The following STEAP4 variants were observed in gnomAD, a reference collection of about 807,000 sequenced individuals.
STEAP4 encodes metalloreductase STEAP4.
STEAP4 carries 36 observed loss-of-function variants against 43.6 expected under a neutral mutation model. The observed-to-expected ratio is 0.83, with a 90% confidence interval of 0.63 to 1.09. The LOEUF (loss-of-function observed/expected upper bound fraction) is 1.09. Ranked by LOEUF, STEAP4 falls within the 50% of genes least tolerant of loss-of-function variation. The pLI is 0.00. For synonymous variants in STEAP4, 191 were observed against 196.7 expected, an observed-to-expected ratio of 0.97 and a Z score of 0.24; for missense variants, 495 against 546.5, an observed-to-expected ratio of 0.91 and a Z score of 0.94.
At chr7:88,285,282 C>A (rs1563498529) in intron 1 of STEAP4, among the ~76,000 whole-genome samples, 1 of 152,036 alleles carries the variant, frequency 6.6e-6, no homozygotes, top group Admixed American at 6.6e-5. Context: ...AACAAGATAG[C>A]AAGATATGTG....
At chr7:88,298,466 A>AACACACACACACACACACACACACACAC (rs35424721) in intron 1 of STEAP4, 1 of 141,318 alleles carries the variant, frequency 7.1e-6, no homozygotes, top group African/African-American at 2.7e-5. Context: ...GGTTCTTGTA[A>AACACACACACACACACACACACACACAC]ACACACACAC....
At position 88,280,961 on chromosome 7, in the gene STEAP4, G is replaced by C; in HGVS notation, c.1103C>G (p.Pro368Arg). 4 of 1,611,804 alleles carry C rather than the reference G, an allele frequency of 2.5e-6. No homozygotes were observed. The highest frequency in any genetic ancestry group is 3.4e-6 in the Non-Finnish European group (4 of 1,179,114). ...CCAGTTGACTGCATTGCTAACAGAT[G>C]GCAAAGAAGTGATTCCCAAGAGTAC... is the stretch of plus-strand genomic sequence containing the variant. ...LFVLLGITSL[P>R]SVSNAVNWRE... Residue 368 changes from proline (P) to arginine (R), a missense_variant, in exon 4 of 5, where the codon CCA becomes CGA. Transcript: ENST00000380079.
chr7:88,296,235 T>C (rs1408333146), intron 1 of STEAP4, among the ~76,000 whole-genome samples: 1 of 152,190 alleles, frequency 6.6e-6, no homozygotes, highest in Non-Finnish European at 1.5e-5. Flanking sequence ...AAGCCATTAA[T>C]AAAATCATTC....
rs1007467879 is a variant in STEAP4 at position 88,279,389 on chromosome 7, A to T, written c.*9T>A. 1 of 1,610,800 alleles carries T rather than the reference A, an allele frequency of 6.2e-7. No individual in the cohort carries two copies. The highest frequency in any genetic ancestry group is 2.2e-5 in the East Asian group (1 of 44,866). ...GTTTTAAATATTGATTTTCCATTCAATGCTTTTTCTAGTGTTTTGAGTTCC... is the reference window on the plus strand; with the variant it reads ...GTTTTAAATATTGATTTTCCATTCATTGCTTTTTCTAGTGTTTTGAGTTCC... On this transcript the variant is annotated 3_prime_UTR_variant, in exon 5 of 5. Transcript: ENST00000380079.
chr7:88,296,290 A>G lies in STEAP4; in HGVS notation c.-3+10502T>C, dbSNP rs144101859. ...GAATTCAGCTTTGAATTCTGAAATA[A>G]TCATTCATCCAAACATCTGAATTCC... On this transcript the variant is annotated intron_variant, in intron 1 of 4. Transcript: ENST00000380079. 1.9e-3 allele frequency among the ~76,000 whole-genome samples: 292 copies of G among 152,308 alleles called. 2 individuals are homozygous for G. The highest frequency in any genetic ancestry group is 6.9e-3 in the African/African-American group (286 of 41,568).
chr7:88,300,053 C>A (rs1853005107), intron 1 of STEAP4, among the ~76,000 whole-genome samples: 2 of 152,152 alleles, frequency 1.3e-5, no homozygotes, highest in South Asian at 4.1e-4. Flanking sequence ...TATAATCTGG[C>A]CTTGCAGCTG....
At chr7:88,290,201 G>T (rs1852812839) in intron 1 of STEAP4, 1 of 151,918 alleles carries the variant, frequency 6.6e-6, no homozygotes, top group Admixed American at 6.6e-5. Context: ...TTGACTATTT[G>T]GTCACTATAT....
chr7:88,294,593 T>G (rs1852895628), intron 1 of STEAP4, among the ~76,000 whole-genome samples: 1 of 152,090 alleles, frequency 6.6e-6, no homozygotes, highest in African/African-American at 2.4e-5. Flanking sequence ...AAATGGTCCC[T>G]TTGTCCCTCC....
In STEAP4 at chr7:88,273,668, T is replaced by C. The variant is rs1852472385; in HGVS notation, c.*5730A>G. The C allele has an allele frequency of 2.0e-5, 3 of 152,288 alleles. No individual in the cohort carries two copies. The South Asian group carries it at 6.2e-4, about 32-fold the overall frequency. The allele number at this position is 152,288 out of a possible 1,614,324, so 9.4% of individuals were successfully genotyped here. ...TGAGAAACCAGGGAAAAAGAAAATATTTGCCTTTAAGCTCTGGAGAAGAGC... is the reference window on the plus strand; with the variant it reads ...TGAGAAACCAGGGAAAAAGAAAATACTTGCCTTTAAGCTCTGGAGAAGAGC... On this transcript the variant is annotated 3_prime_UTR_variant, in exon 5 of 5. Coordinates refer to ENST00000380079, the MANE Select transcript of STEAP4 (RefSeq NM_024636.4).
Position 88,279,312 on chromosome 7 carries a change from C to A in STEAP4, c.*86G>T. 1 of 1,319,026 alleles carries A rather than the reference C, an allele frequency of 7.6e-7. No homozygotes were observed. The highest frequency in any genetic ancestry group is 1.3e-5 in the South Asian group (1 of 75,232). The allele number at this position is 1,319,026 out of a possible 1,614,324, so 81.7% of individuals were successfully genotyped here. A position where few individuals can be genotyped will look rare whatever the true frequency, so the allele number is the denominator to read the frequency against. ...AACTTTCCTAACTGTACCCATCATT[C>A]TTCTTTAAACATTCAAAACCATAGT... On this transcript the variant is annotated 3_prime_UTR_variant, in exon 5 of 5. Transcript: ENST00000380079.
In STEAP4 at chr7:88,272,065, C is replaced by T. The variant is rs1328743959; in HGVS notation, c.*7333G>A. On this transcript the variant is annotated 3_prime_UTR_variant, in exon 5 of 5. Coordinates refer to ENST00000380079, the MANE Select transcript of STEAP4 (RefSeq NM_024636.4). ...GAGTTCCTCTTGGCGGCCACCTCTACAAGCTGAAAGCTGGTGGTATGAATG... is the reference window on the plus strand; with the variant it reads ...GAGTTCCTCTTGGCGGCCACCTCTATAAGCTGAAAGCTGGTGGTATGAATG... 1 of 152,248 alleles carries T rather than the reference C, an allele frequency of 6.6e-6. No individual in the cohort carries two copies. Among genetic ancestry groups the T allele is most frequent in the Non-Finnish European group, 1.5e-5 (1 of 68,084 alleles). The allele number at this position is 152,248 out of a possible 1,614,324, so 9.4% of individuals were successfully genotyped here. A position where few individuals can be genotyped will look rare whatever the true frequency, so the allele number is the denominator to read the frequency against.
At chr7:88,300,724 T>C (rs1338955629) in intron 1 of STEAP4, among the ~76,000 whole-genome samples, 1 of 152,186 alleles carries the variant, frequency 6.6e-6, no homozygotes, top group African/African-American at 2.4e-5. Flanking sequence ...GTTCTTCCCC[T>C]GCTTCTTTTA....
chr7:88,290,211 T>A (rs1239255344), intron 1 of STEAP4: 1 of 152,230 alleles, frequency 6.6e-6, no homozygotes, highest in Non-Finnish European at 1.5e-5. Flanking sequence ...GGTCACTATA[T>A]TCATTTATTC....
chr7:88,281,791 G>T (rs1398723688), intron 3 of STEAP4: 1 of 152,162 alleles, frequency 6.6e-6, no homozygotes, highest in African/African-American at 2.4e-5. Flanking sequence ...GACAATATTT[G>T]ATATTTGCTC....
At chr7:88,299,844 C>A (rs1277474740) in intron 1 of STEAP4, among the ~76,000 whole-genome samples, 1 of 152,232 alleles carries the variant, frequency 6.6e-6, no homozygotes, top group Admixed American at 6.5e-5. Flanking sequence ...CCATTCCTTG[C>A]TGTTGGAGGA....
At chr7:88,295,871 T>C (rs1230047067) in intron 1 of STEAP4, among the ~76,000 whole-genome samples, 1 of 152,140 alleles carries the variant, frequency 6.6e-6, no homozygotes. Flanking sequence ...AACAGGATGT[T>C]AAGGTTGTAA....
At position 88,272,564 on chromosome 7, in the gene STEAP4, G is replaced by GT. The variant is rs1396365043; in HGVS notation, c.*6833dup. 6.6e-6 allele frequency: 1 copy of GT among 152,176 alleles called. No individual in the cohort carries two copies. Among genetic ancestry groups the GT allele is most frequent in the African/African-American group, 2.4e-5 (1 of 41,432 alleles). 9.4% of individuals were successfully genotyped at this position (152,176 alleles called of 1,614,324 possible). ...TGCCCGTGGTGCTGGCTTGTGAGCT[G>GT]TTTTTTACCAGTCTGTGATAAATTC... On this transcript the variant is annotated 3_prime_UTR_variant, in exon 5 of 5. Transcript: ENST00000380079.
At position 88,282,758 on chromosome 7, in the gene STEAP4, G is replaced by A. The variant is rs1852643439; in HGVS notation, c.867C>T (p.Cys289=). The A allele has an allele frequency of 6.2e-7, 1 of 1,614,104 alleles. No homozygotes were observed. The highest frequency in any genetic ancestry group is 8.5e-7 in the Non-Finnish European group (1 of 1,180,010). The change falls in exon 3 of 5, where the codon TGC becomes TGT. Residue 289 remains cysteine, a synonymous_variant. Coordinates refer to ENST00000380079, the MANE Select transcript of STEAP4 (RefSeq NM_024636.4). ...FPDWLDHWML[C]RKQLGLVALG... Reference sequence around the variant, plus strand: ...GAGCTACCAAGCCAAGCTGCTTTCGGCAAAGCATCCAGTGGTCAAGCCAGT... The same window carrying A: ...GAGCTACCAAGCCAAGCTGCTTTCGACAAAGCATCCAGTGGTCAAGCCAGT...
chr7:88,296,606 CA>C (rs1221336613), intron 1 of STEAP4, among the ~76,000 whole-genome samples: 1 of 151,992 alleles, frequency 6.6e-6, no homozygotes, highest in Non-Finnish European at 1.5e-5. Context: ...CATCACAAGG[CA>C]AAAGGGCAGG....
Sources: allele counts gnomAD v4.1 joint callset (sites outside exome capture counted in the v4.1 genomes callset), GRCh38; gene constraint gnomAD v4.1.1; transcripts MANE v1.5; gene names NCBI Gene and HGNC (gene_info 2026-07-23, HGNC 2026-07-21).